PTGER4: variants seen among roughly 807,000 people sequenced by gnomAD.
PTGER4 encodes the protein prostaglandin E receptor 4, also known as prostaglandin E2 receptor EP4 subtype.
Under a neutral mutation model 33.2 loss-of-function variants are expected in PTGER4, and 11 were observed. That is an observed-to-expected ratio of 0.33 (90% CI 0.21 to 0.55). The LOEUF is 0.55. Among genes scored for constraint, PTGER4 ranks in the 20% least tolerant of loss-of-function variants. The pLI, the probability that PTGER4 is intolerant of heterozygous loss-of-function variation, is 0.92. For missense variants in PTGER4, 481 were observed against 650.2 expected, an observed-to-expected ratio of 0.74 and a Z score of 2.83; for synonymous variants, 275 against 281.5, an observed-to-expected ratio of 0.98 and a Z score of 0.23.
chr5:40,691,117 T>C lies in PTGER4; in HGVS notation c.868-662T>C, dbSNP rs1741457971. 6.6e-6 allele frequency among the ~76,000 whole-genome samples: 1 copy of C among 152,212 alleles called. No individual in the cohort carries two copies. Among genetic ancestry groups the C allele is most frequent in the Admixed American group, 6.5e-5 (1 of 15,274 alleles). On this transcript the variant is annotated intron_variant, in intron 2 of 2. Coordinates refer to ENST00000302472, the MANE Select transcript of PTGER4 (RefSeq NM_000958.3). The surrounding 1 kb of genome is among the most constrained non-coding windows in gnomAD (Gnocchi z 4.2). ...CTCACTGCAACCTCCACCCGCCGCA[T>C]TCAAGCCATTCTCCTGCCTCACCCT...
At chr5:40,713,204 A>C in the PTGER4 span, among the ~76,000 whole-genome samples, 1 of 152,186 alleles carries the variant, frequency 6.6e-6, no homozygotes, top group Non-Finnish European at 1.5e-5. Flanking sequence ...TACATGTATC[A>C]TGAAATCATA....
downstream of PTGER4, among the ~76,000 whole-genome samples, chr5:40,697,010 G>A (rs1042609655): frequency 4.4e-5 from 6 of 135,970 alleles, no homozygotes; most frequent in Non-Finnish European, 6.3e-5. Flanking sequence ...GAAAGAAAGA[G>A]AGAAAGAAAG....
chr5:40,716,552 A>C, the PTGER4 span: 1 of 1,189,250 alleles, frequency 8.4e-7, no homozygotes, highest in African/African-American at 1.5e-5. Context: ...AGTATGTTTA[A>C]TACAATCCTG....
chr5:40,692,258 G>C lies in PTGER4; in HGVS notation c.1347G>C (p.Glu449Asp). The C allele has an allele frequency of 6.2e-7, 1 of 1,614,238 alleles. No homozygotes were observed. Among genetic ancestry groups the C allele is most frequent in the Non-Finnish European group, 8.5e-7 (1 of 1,180,046 alleles). ...TSDSSQGQDS[E>D]SVLLVDEAGG... The stretch of plus-strand genomic sequence containing the variant: ...ACTCTTCACAGGGTCAGGACTCAGA[G>C]AGTGTCTTACTGGTGGATGAGGCTG... Residue 449 changes from glutamate to aspartate, a missense_variant, in exon 3 of 3, where the codon GAG (glutamate) becomes GAC (aspartate). Physicochemically the swap from Glu to Asp is conservative, Grantham distance 45. Around this residue, in one of 7 missense-constraint regions of PTGER4, gnomAD observed 172 missense variants for 199.2 expected, o/e 0.86. Coordinates refer to ENST00000302472, the MANE Select transcript of PTGER4 (RefSeq NM_000958.3).
the PTGER4 span, chr5:40,746,649 T>C: frequency 8.0e-6 from 5 of 624,512 alleles, no homozygotes; most frequent in East Asian, 1.2e-4. Flanking sequence ...TCAGGTGACT[T>C]TGAAACACCT....
rs1402449569 is a variant in PTGER4 at position 40,692,787 on chromosome 5, G to A, written c.*409G>A. 1 of 991,978 alleles carries A rather than the reference G, an allele frequency of 1.0e-6. No homozygotes were observed. Among genetic ancestry groups the A allele is most frequent in the Admixed American group, 5.8e-5 (1 of 17,186 alleles). The allele number at this position is 991,978 out of a possible 1,614,324, so 61.4% of individuals were successfully genotyped here. A position where few individuals can be genotyped will look rare whatever the true frequency, so the allele number is the denominator to read the frequency against. On this transcript the variant is annotated 3_prime_UTR_variant, in exon 3 of 3. Transcript: ENST00000302472. ...GGACTGCCTTATGGATGATTTAAGT[G>A]TCTCACTAAAGCATGAAATGTGAAT...
the PTGER4 span, among the ~76,000 whole-genome samples, chr5:40,743,343 C>A: frequency 6.6e-6 from 1 of 152,068 alleles, no homozygotes; most frequent in African/African-American, 2.4e-5. Context: ...ATGAAGAAGG[C>A]CCATCTGGCT....
chr5:40,708,681 G>A, the PTGER4 span, among the ~76,000 whole-genome samples: 5 of 149,874 alleles, frequency 3.3e-5, no homozygotes, highest in Non-Finnish European at 6.0e-5. Context: ...AACTCATTTT[G>A]TGAGGCCAGC....
chr5:40,712,712 G>A, the PTGER4 span, among the ~76,000 whole-genome samples: 1 of 152,144 alleles, frequency 6.6e-6, no homozygotes, highest in Non-Finnish European at 1.5e-5. Context: ...AGCATGCCCA[G>A]TTCTATATCT....
chr5:40,734,028 C>G, the PTGER4 span, among the ~76,000 whole-genome samples: 6 of 152,210 alleles, frequency 3.9e-5, no homozygotes, highest in African/African-American at 1.4e-4. Context: ...AGAGGCATCC[C>G]TCAATGAAAT....
the PTGER4 span, among the ~76,000 whole-genome samples, chr5:40,719,148 C>A: frequency 6.6e-6 from 1 of 152,136 alleles, no homozygotes; most frequent in Non-Finnish European, 1.5e-5. Flanking sequence ...ACAGCCATCA[C>A]CCATAATCAA....
rs1352103248 is a variant in PTGER4 at position 40,693,147 on chromosome 5, T to C, written c.*769T>C. The C allele has an allele frequency of 2.1e-6, 2 of 959,142 alleles. No individual in the cohort carries two copies. Among genetic ancestry groups the C allele is most frequent in the African/African-American group, 1.8e-5 (1 of 56,558 alleles). The allele number at this position is 959,142 out of a possible 1,614,324, so 59.4% of individuals were successfully genotyped here. On this transcript the variant is annotated 3_prime_UTR_variant, in exon 3 of 3. Transcript: ENST00000302472. ...TATGTATAAAATACATAGTGAAAAT[T>C]GTTTAGTGATATTACATTTATTTAT...
At chr5:40,716,285 C>T in the PTGER4 span, 18 of 1,614,100 alleles carry the variant, frequency 1.1e-5, no homozygotes, top group Non-Finnish European at 1.5e-5. Context: ...TCAGCAATAG[C>T]TGCACAAACA....
At chr5:40,704,196 T>C in the PTGER4 span, among the ~76,000 whole-genome samples, 1 of 152,116 alleles carries the variant, frequency 6.6e-6, no homozygotes, top group Non-Finnish European at 1.5e-5. Context: ...TGAAAATCAA[T>C]AAACGTGATT....
intron 2 of PTGER4, among the ~76,000 whole-genome samples, chr5:40,685,660 T>C (rs550073227): frequency 6.6e-6 from 1 of 152,200 alleles, no homozygotes; most frequent in Non-Finnish European, 1.5e-5. Context: ...ATCTGGCATT[T>C]CATTTGAATC....
chr5:40,736,947 C>A, the PTGER4 span, among the ~76,000 whole-genome samples: 1 of 152,072 alleles, frequency 6.6e-6, no homozygotes, highest in Non-Finnish European at 1.5e-5. Context: ...GAAGAGTAAA[C>A]CAGATTTTTG....
At chr5:40,707,318 A>G in the PTGER4 span, among the ~76,000 whole-genome samples, 1 of 152,248 alleles carries the variant, frequency 6.6e-6, no homozygotes, top group Admixed American at 6.5e-5. Flanking sequence ...TAGGCTCAAA[A>G]TAAAGGGACG....
the PTGER4 span, among the ~76,000 whole-genome samples, chr5:40,705,352 A>C: frequency 6.6e-6 from 1 of 152,166 alleles, no homozygotes; most frequent in African/African-American, 2.4e-5. Flanking sequence ...TTACATGTAA[A>C]ACTCAAAACT....
chr5:40,702,363 A>G, the PTGER4 span, among the ~76,000 whole-genome samples: 1 of 152,356 alleles, frequency 6.6e-6, no homozygotes, highest in South Asian at 2.1e-4. Flanking sequence ...GAAAAAAGCA[A>G]GGGTTGCAAT....
Sources: gnomAD v4.1 joint callset for allele counts (sites outside exome capture counted in the v4.1 genomes callset) on GRCh38, gnomAD v4.1.1 for gene constraint, gnomAD v4.1.1 regional missense constraint, Gnocchi (gnomAD v3.1) non-coding constraint, MANE v1.5 for transcripts, NCBI Gene and HGNC (gene_info 2026-07-23, HGNC 2026-07-21) for gene names.